The following MCC variants were observed in gnomAD, a reference collection of about 807,000 sequenced individuals.
MCC encodes MCC regulator of Wnt signaling pathway, also known as colorectal mutant cancer protein.
Under a neutral mutation model 116.2 loss-of-function variants are expected in MCC, and 90 were observed. That is an observed-to-expected ratio of 0.77 (90% CI 0.65 to 0.92). The LOEUF is 0.92. MCC is among the 40% of genes least tolerant of loss of function. MCC has a pLI of 0.00. For missense variants in MCC, 1,516 were observed against 1,312.2 expected, an observed-to-expected ratio of 1.16 and a Z score of -2.40; for synonymous variants, 578 against 510.5, an observed-to-expected ratio of 1.13 and a Z score of -1.78.
intron 3 of MCC, among the ~76,000 whole-genome samples, chr5:113,180,855 ATC>A (rs1761592207): frequency 6.6e-6 from 1 of 152,178 alleles, no homozygotes; most frequent in East Asian, 1.9e-4. Context: ...TTACATTTTA[ATC>A]AGAAAAACAA....
intron 1 of MCC, among the ~76,000 whole-genome samples, chr5:113,481,402 C>T (rs1278203034): frequency 6.6e-6 from 1 of 151,914 alleles, no homozygotes; most frequent in Non-Finnish European, 1.5e-5. Flanking sequence ...AACAACAGAA[C>T]AATAATTAAA....
Position 113,027,244 on chromosome 5 carries a change from C to G in MCC, c.*58G>C. 1 of 1,573,652 alleles carries G rather than the reference C, an allele frequency of 6.4e-7. No homozygotes were observed. The highest frequency in any genetic ancestry group is 8.7e-7 in the Non-Finnish European group (1 of 1,153,220). On this transcript the variant is annotated 3_prime_UTR_variant, in exon 19 of 19. Coordinates refer to ENST00000408903, the MANE Select transcript of MCC (RefSeq NM_001085377.2). The stretch of plus-strand genomic sequence containing the variant: ...CAACAAGTACATGGGCCCTTCTGTC[C>G]CCAGTGGCCTGCTGCAGTTTACTTC...
chr5:113,202,171 G>C (rs1008221931), intron 3 of MCC, among the ~76,000 whole-genome samples: 3 of 151,700 alleles, frequency 2.0e-5, no homozygotes, highest in African/African-American at 7.3e-5. Flanking sequence ...ACTTCTGAAT[G>C]AATTGTGATT....
At chr5:113,284,638 C>T (rs2150358537) in intron 3 of MCC, among the ~76,000 whole-genome samples, 1 of 152,332 alleles carries the variant, frequency 6.6e-6, no homozygotes, top group Admixed American at 6.5e-5. Flanking sequence ...GTTTCTTTAT[C>T]AGTCATGCAA....
intron 1 of MCC, among the ~76,000 whole-genome samples, chr5:113,417,120 C>T (rs1219886578): frequency 6.6e-6 from 1 of 152,042 alleles, no homozygotes; most frequent in African/African-American, 2.4e-5. Context: ...CAGACGCATG[C>T]CACCACGCCT....
chr5:113,197,204 G>A (rs1762455171), intron 3 of MCC, among the ~76,000 whole-genome samples: 1 of 152,118 alleles, frequency 6.6e-6, no homozygotes, highest in Admixed American at 6.5e-5. Context: ...GTTGGTCAAA[G>A]GAGATATAAT....
At chr5:113,148,561 C>T (rs1449732387) in intron 4 of MCC, among the ~76,000 whole-genome samples, 2 of 152,170 alleles carry the variant, frequency 1.3e-5, no homozygotes, top group Non-Finnish European at 2.9e-5. Context: ...TTAATAGAGC[C>T]ACACAGCGTA....
At chr5:113,242,401 G>A (rs1764406195) in intron 3 of MCC, among the ~76,000 whole-genome samples, 1 of 152,052 alleles carries the variant, frequency 6.6e-6, no homozygotes, top group South Asian at 2.1e-4. Flanking sequence ...GAGAGAACCA[G>A]AACCCCATCC....
intron 15 of MCC, among the ~76,000 whole-genome samples, chr5:113,050,412 T>G (rs1026868476): frequency 6.6e-6 from 1 of 151,920 alleles, no homozygotes; most frequent in African/African-American, 2.4e-5. Context: ...CCTTCTGAGG[T>G]AATAAACCAC....
At chr5:113,276,163 C>A (rs1169517335) in intron 3 of MCC, among the ~76,000 whole-genome samples, 2 of 152,066 alleles carry the variant, frequency 1.3e-5, no homozygotes, top group Admixed American at 1.3e-4. Context: ...TTCCTCCTTG[C>A]CCCACACGCC....
intron 6 of MCC, among the ~76,000 whole-genome samples, chr5:113,111,282 C>T (rs1319362625): frequency 6.6e-6 from 1 of 152,196 alleles, no homozygotes; most frequent in East Asian, 1.9e-4. Context: ...ATTGTCCCCT[C>T]CCCATGGCTG....
At chr5:113,142,646 A>G (rs1005886515) in intron 5 of MCC, among the ~76,000 whole-genome samples, 1 of 147,122 alleles carries the variant, frequency 6.8e-6, no homozygotes, top group African/African-American at 2.4e-5. Flanking sequence ...TGATGGGTCA[A>G]ATCTTTCCCC....
intron 1 of MCC, among the ~76,000 whole-genome samples, chr5:113,474,781 T>C (rs978231219): frequency 3.9e-5 from 6 of 152,186 alleles, no homozygotes; most frequent in Non-Finnish European, 8.8e-5. Flanking sequence ...CTATAATAAA[T>C]ATAAAATTGC....
intron 3 of MCC, among the ~76,000 whole-genome samples, chr5:113,336,082 G>A (rs1345594627): frequency 6.6e-6 from 1 of 151,464 alleles, no homozygotes; most frequent in Non-Finnish European, 1.5e-5. Context: ...CAAGGAGAAG[G>A]TGAGAGAAAA....
At chr5:113,435,738 C>G (rs2150413422) in intron 1 of MCC, 1 of 152,516 alleles carries the variant, frequency 6.6e-6, no homozygotes, top group Middle Eastern at 3.4e-3. Context: ...TGTAGGAGGA[C>G]AGCTGGCAGG....
chr5:113,473,874 C>CTGG (rs1367632606), intron 1 of MCC, among the ~76,000 whole-genome samples: 1 of 152,148 alleles, frequency 6.6e-6, no homozygotes, highest in Non-Finnish European at 1.5e-5. Context: ...AAATCCTGAG[C>CTGG]TGGTACCTAC....
At chr5:113,123,840 T>C (rs955917775) in intron 5 of MCC, among the ~76,000 whole-genome samples, 1 of 152,170 alleles carries the variant, frequency 6.6e-6, no homozygotes, top group Admixed American at 6.5e-5. Flanking sequence ...AGGTTGTCTG[T>C]GAAGAAAGCT....
chr5:113,209,445 A>G lies in MCC; in HGVS notation c.628-58023T>C, dbSNP rs533982104. Among the ~76,000 whole-genome samples, 6 of 152,328 alleles carry G rather than the reference A, an allele frequency of 3.9e-5. No homozygotes were observed. The South Asian group carries it at 6.2e-4, about 16-fold the overall frequency. ...CACTGGGTTCCTCCAAACCCAGCCC[A>G]TAAAGCCTACAGAGGAAATAGAAAG... is the stretch of plus-strand genomic sequence containing the variant. On this transcript the variant is annotated intron_variant, in intron 3 of 18. Coordinates refer to ENST00000408903, the MANE Select transcript of MCC (RefSeq NM_001085377.2).
intron 3 of MCC, among the ~76,000 whole-genome samples, chr5:113,220,597 T>C (rs1371181783): frequency 1.3e-5 from 2 of 152,234 alleles, no homozygotes; most frequent in Admixed American, 6.5e-5. Context: ...GATACTGTTT[T>C]AGAATTTCAA....
Sources: allele counts gnomAD v4.1 joint callset (sites outside exome capture counted in the v4.1 genomes callset), GRCh38; gene constraint gnomAD v4.1.1; transcripts MANE v1.5; gene names NCBI Gene and HGNC (gene_info 2026-07-23, HGNC 2026-07-21).